Variants in GPR158 observed in about 807,000 individuals in gnomAD.
GPR158 encodes the protein G protein-coupled receptor 158.
Under a neutral mutation model 78.2 loss-of-function variants are expected in GPR158, and 30 were observed. The ratio of observed to expected loss-of-function variants is 0.38; its 90% confidence interval spans 0.29 to 0.52. The LOEUF (loss-of-function observed/expected upper bound fraction) is 0.52. GPR158 is among the 20% of genes least tolerant of loss of function. The pLI is 0.83. For missense variants in GPR158, 1,463 were observed against 1,523.5 expected (o/e 0.96, Z 0.66); for synonymous variants, 581 against 591.1 (o/e 0.98, Z 0.25).
intron 1 of GPR158, among the ~76,000 whole-genome samples, chr10:25,177,992 T>C (rs1019338116): frequency 1.3e-5 from 2 of 152,074 alleles, no homozygotes; most frequent in Admixed American, 6.5e-5. Flanking sequence ...GCAGATGCTA[T>C]TCACTGCCAG....
At chr10:25,241,063 G>C (rs1182922197) in intron 2 of GPR158, among the ~76,000 whole-genome samples, 1 of 151,776 alleles carries the variant, frequency 6.6e-6, no homozygotes, top group Non-Finnish European at 1.5e-5. Context: ...TTCCTAAAGA[G>C]GTTTTGTTTT....
At chr10:25,495,970 C>T (rs1835875686) in intron 5 of GPR158, among the ~76,000 whole-genome samples, 1 of 151,814 alleles carries the variant, frequency 6.6e-6, no homozygotes, top group African/African-American at 2.4e-5. Context: ...TCCTAACATC[C>T]CTGTTCTCAA....
At chr10:25,415,145 C>T (rs1588851978) in intron 4 of GPR158, among the ~76,000 whole-genome samples, 1 of 152,000 alleles carries the variant, frequency 6.6e-6, no homozygotes, top group African/African-American at 2.4e-5. Flanking sequence ...GATATGACAA[C>T]AGAAGCATAC....
intron 2 of GPR158, among the ~76,000 whole-genome samples, chr10:25,260,132 T>C (rs1045203273): frequency 2.0e-5 from 3 of 152,170 alleles, no homozygotes; most frequent in Non-Finnish European, 4.4e-5. Context: ...ACGAGGTAAC[T>C]GTTTGACTAC....
chr10:25,314,600 G>T (rs1854818805), intron 2 of GPR158, among the ~76,000 whole-genome samples: 2 of 149,374 alleles, frequency 1.3e-5, no homozygotes. Context: ...TGATTTTTAT[G>T]CTTACTTTTG....
rs192321031 is a variant in GPR158, at chr10:25,203,593, G to A, written c.903-17459G>A. Among the ~76,000 whole-genome samples, 262 of 146,184 alleles carry A rather than the reference G, an allele frequency of 1.8e-3. 30 individuals are homozygous for A. Among genetic ancestry groups the A allele is most frequent in the African/African-American group, 6.5e-3 (249 of 38,594 alleles). Reference sequence around the variant, plus strand: ...GTGTGGTATTATTTCTGAGGGCTCTGTTCTGTTCCATTGGTGTATATCTGT... The same window carrying A: ...GTGTGGTATTATTTCTGAGGGCTCTATTCTGTTCCATTGGTGTATATCTGT... On this transcript the variant is annotated intron_variant, in intron 1 of 10. Coordinates refer to ENST00000376351, the MANE Select transcript of GPR158 (RefSeq NM_020752.3).
intron 4 of GPR158, among the ~76,000 whole-genome samples, chr10:25,413,200 T>G (rs1834617016): frequency 6.6e-6 from 1 of 152,274 alleles, no homozygotes; most frequent in East Asian, 1.9e-4. Context: ...AATGTGGTGG[T>G]GCATGCCTAT....
intron 2 of GPR158, among the ~76,000 whole-genome samples, chr10:25,225,779 T>C (rs1410169082): frequency 6.6e-6 from 1 of 152,116 alleles, no homozygotes; most frequent in South Asian, 2.1e-4. Flanking sequence ...ATGGAATGTA[T>C]TGGGTGAAAA....
intron 4 of GPR158, among the ~76,000 whole-genome samples, chr10:25,426,010 T>A (rs1033911809): frequency 2.6e-5 from 4 of 152,162 alleles, no homozygotes; most frequent in African/African-American, 9.7e-5. Flanking sequence ...TTTCTCTCTT[T>A]ATCTGTGAAG....
intron 2 of GPR158, among the ~76,000 whole-genome samples, chr10:25,308,234 C>T (rs564102883): frequency 6.6e-6 from 1 of 152,138 alleles, no homozygotes; most frequent in East Asian, 1.9e-4. Context: ...TTTGCTGCAC[C>T]TATCAACCCA....
chr10:25,348,916 A>G (rs1855415836), intron 2 of GPR158, among the ~76,000 whole-genome samples: 1 of 152,056 alleles, frequency 6.6e-6, no homozygotes, highest in African/African-American at 2.4e-5. Flanking sequence ...CCTAAAGAAA[A>G]GCAAACCACC....
At chr10:25,427,458 G>A (rs1367673457) in intron 4 of GPR158, among the ~76,000 whole-genome samples, 2 of 152,188 alleles carry the variant, frequency 1.3e-5, no homozygotes, top group East Asian at 1.9e-4. Context: ...TCAGGAACTG[G>A]TCACTGGTTG....
At chr10:25,427,751 T>C (rs1277268314) in intron 4 of GPR158, among the ~76,000 whole-genome samples, 1 of 152,070 alleles carries the variant, frequency 6.6e-6, no homozygotes, top group African/African-American at 2.4e-5. Flanking sequence ...TTCTTACATA[T>C]GAGCTTTGCG....
Position 25,234,068 on chromosome 10 carries a change from A to G in GPR158, c.1008+12911A>G, listed in dbSNP as rs540371634. ...ATATCAATGGACATAACCCCCATAA[A>G]TCAAAGCTCTTTGGGATACTCAGGA... On this transcript the variant is annotated intron_variant, in intron 2 of 10. Coordinates refer to ENST00000376351, the MANE Select transcript of GPR158 (RefSeq NM_020752.3). Among the ~76,000 whole-genome samples, 3 of 152,314 alleles carry G rather than the reference A, an allele frequency of 2.0e-5. No individual in the cohort carries two copies. In the East Asian group the frequency reaches 5.8e-4, roughly 29 times the overall value.
At chr10:25,370,686 G>A (rs11100482) in intron 2 of GPR158, among the ~76,000 whole-genome samples, 95,167 of 148,240 alleles carry the variant, frequency 0.64, 31,551 homozygotes, top group Non-Finnish European at 0.73. Flanking sequence ...TATTAGGTCC[G>A]CTTGATGCAG....
At chr10:25,371,728 C>T (rs373589723) in intron 2 of GPR158, among the ~76,000 whole-genome samples, 15 of 135,194 alleles carry the variant, frequency 1.1e-4, no homozygotes, top group Admixed American at 6.0e-4. Flanking sequence ...AAGACTTAAA[C>T]GTTAGACCTA....
chr10:25,417,029 G>C (rs939596428), intron 4 of GPR158, among the ~76,000 whole-genome samples: 1 of 150,738 alleles, frequency 6.6e-6, no homozygotes, highest in Non-Finnish European at 1.5e-5. Flanking sequence ...GCAAATGGGA[G>C]GAAAAAAAAA....
intron 2 of GPR158, among the ~76,000 whole-genome samples, chr10:25,326,342 A>G (rs1350309125): frequency 6.8e-6 from 1 of 148,102 alleles, no homozygotes. Flanking sequence ...CATTTTCTTT[A>G]TGTAGTCTAT....
At chr10:25,558,960 T>G (rs1405883998) in intron 6 of GPR158, among the ~76,000 whole-genome samples, 1 of 152,184 alleles carries the variant, frequency 6.6e-6, no homozygotes, top group African/African-American at 2.4e-5. Flanking sequence ...AGAACGTGTT[T>G]TCTTCTATTT....
Sources: allele counts gnomAD v4.1 joint callset (sites outside exome capture counted in the v4.1 genomes callset), GRCh38; gene constraint gnomAD v4.1.1; transcripts MANE v1.5; gene names NCBI Gene and HGNC (gene_info 2026-07-23, HGNC 2026-07-21).